MPP7: variants seen among roughly 807,000 people sequenced by gnomAD.
MPP7 encodes the protein MAGUK p55 scaffold protein 7, also known as MAGUK p55 subfamily member 7.
A neutral mutation model predicts 76.5 loss-of-function variants in MPP7; 60 were observed. The ratio of observed to expected loss-of-function variants is 0.78; its 90% CI spans 0.64 to 0.97. MPP7 has a LOEUF of 0.97. Ranked by LOEUF, MPP7 falls within the 50% of genes least tolerant of loss-of-function variation. The probability of loss-of-function intolerance (pLI) is 0.00; values close to 1 mark genes in which losing one functional copy is unlikely to be tolerated. For missense variants in MPP7, 641 were observed against 694.0 expected (o/e 0.92, Z 0.86); for synonymous variants, 237 against 244.5 (o/e 0.97, Z 0.29).
chr10:28,141,977 TA>T (rs1219828444), intron 5 of MPP7, among the ~76,000 whole-genome samples: 4 of 151,110 alleles, frequency 2.6e-5, no homozygotes, highest in South Asian at 2.1e-4. Context: ...TCCACTTGAA[TA>T]AAAAAAAACT....
rs767217504 is a variant in MPP7 at position 28,069,788 on chromosome 10, A to T, written c.1188T>A (p.Tyr396Ter). The change falls in exon 13 of 17, where the codon TAT becomes TAA. Residue 396 changes from tyrosine to a stop codon, truncating the protein, a stop_gained. Transcript: ENST00000683449. LOFTEE classifies it high-confidence loss of function. ...AGAACTCACGGGGCACTGTCACGCC[A>T]TAGTGCTGGGTGTCACTGATCAGCA... ...RKLLISDTQH[Y>*]GVTVPHTTRA... 3 of 1,613,974 alleles carry T rather than the reference A, an allele frequency of 1.9e-6. No homozygotes were observed. The Admixed American group carries it at 5.0e-5, about 27-fold the overall frequency.
chr10:28,092,447 T>C (rs1180930347), intron 11 of MPP7, among the ~76,000 whole-genome samples: 1 of 152,156 alleles, frequency 6.6e-6, no homozygotes, highest in Non-Finnish European at 1.5e-5. Context: ...AGAGGTGGAA[T>C]TATAAAATCA....
At chr10:28,151,586 G>A (rs754647765) in intron 3 of MPP7, among the ~76,000 whole-genome samples, 5 of 152,106 alleles carry the variant, frequency 3.3e-5, no homozygotes, top group Non-Finnish European at 7.4e-5. Flanking sequence ...AACTTACCAG[G>A]TGCCTGTACT....
chr10:28,311,623 A>G (rs10826450), intron 2 of MPP7, among the ~76,000 whole-genome samples: 54,368 of 151,988 alleles, frequency 0.36, 9,988 homozygotes, highest in East Asian at 0.54. Flanking sequence ...TGGCTCATAC[A>G]TGTGATCCCA....
At chr10:28,207,870 C>T (rs993769340) in intron 2 of MPP7, among the ~76,000 whole-genome samples, 1 of 152,050 alleles carries the variant, frequency 6.6e-6, no homozygotes, top group Non-Finnish European at 1.5e-5. Flanking sequence ...TTTAAGTGCA[C>T]TAAATTTCCG....
At chr10:28,236,774 A>G (rs544579448) in intron 2 of MPP7, 4 of 152,272 alleles carry the variant, frequency 2.6e-5, no homozygotes, top group African/African-American at 9.6e-5. Flanking sequence ...GTCTGACTTC[A>G]ACTCTGTTCC....
intron 2 of MPP7, among the ~76,000 whole-genome samples, chr10:28,224,438 A>G (rs992982685): frequency 2.6e-5 from 4 of 152,312 alleles, no homozygotes; most frequent in Non-Finnish European, 5.9e-5. Flanking sequence ...TTCTGGAAGT[A>G]AAACAAAGTG....
At chr10:28,117,126 C>A (rs1365811262) in intron 11 of MPP7, among the ~76,000 whole-genome samples, 2 of 152,030 alleles carry the variant, frequency 1.3e-5, no homozygotes, top group Non-Finnish European at 2.9e-5. Context: ...TATGGTGATA[C>A]ACTACAAATG....
At chr10:28,210,612 C>T (rs1384453597) in intron 2 of MPP7, among the ~76,000 whole-genome samples, 10 of 152,002 alleles carry the variant, frequency 6.6e-5, no homozygotes, top group Non-Finnish European at 1.0e-4. Flanking sequence ...CTAAGAAAGG[C>T]GCTTAAAATT....
intron 11 of MPP7, among the ~76,000 whole-genome samples, chr10:28,107,154 T>C (rs1020649017): frequency 3.3e-5 from 5 of 152,178 alleles, no homozygotes; most frequent in African/African-American, 1.2e-4. Flanking sequence ...CATCTACATA[T>C]CATCGAACTT....
chr10:28,251,278 A>C (rs1839605290), intron 1 of MPP7, among the ~76,000 whole-genome samples: 1 of 152,170 alleles, frequency 6.6e-6, no homozygotes, highest in Non-Finnish European at 1.5e-5. Context: ...CAGCCTGGCC[A>C]ACATGGTGAA....
chr10:28,124,910 G>A, intron 7 of MPP7, 100 bp downstream of exon 7: 3 of 922,468 alleles, frequency 3.3e-6, no homozygotes, highest in East Asian at 4.8e-5. Context: ...TTGTTCTGCT[G>A]TATTAGATCC....
intron 2 of MPP7, among the ~76,000 whole-genome samples, chr10:28,223,214 A>C (rs1418702714): frequency 1.3e-5 from 2 of 152,186 alleles, no homozygotes; most frequent in Non-Finnish European, 2.9e-5. Flanking sequence ...TCTTAAATTT[A>C]AGAGTCACTT....
At chr10:28,107,106 T>A (rs1328656418) in intron 11 of MPP7, among the ~76,000 whole-genome samples, 4 of 152,160 alleles carry the variant, frequency 2.6e-5, no homozygotes, top group Non-Finnish European at 1.5e-5. Context: ...ACTTATGATC[T>A]CACCTTATCC....
chr10:28,238,485 T>G, intron 2 of MPP7, 83 bp downstream of exon 2: 1 of 1,436,348 alleles, frequency 7.0e-7, no homozygotes, highest in Non-Finnish European at 9.8e-7. Context: ...TCTGCCTGCA[T>G]TTGCTTAAAG....
chr10:28,213,455 G>A (rs1838208519), intron 2 of MPP7, among the ~76,000 whole-genome samples: 1 of 152,086 alleles, frequency 6.6e-6, no homozygotes, highest in African/African-American at 2.4e-5. Context: ...AGGAAACAGG[G>A]TTTCATGCTG....
intron 3 of MPP7, among the ~76,000 whole-genome samples, chr10:28,201,062 A>G (rs555433894): frequency 1.5e-4 from 23 of 152,330 alleles, no homozygotes; most frequent in African/African-American, 5.3e-4. Flanking sequence ...CCAGAGGGCA[A>G]CTATTATTTA....
In MPP7 at chr10:28,125,210, G is replaced by C. The variant is rs145489860; in HGVS notation, c.448-119C>G. On this transcript the variant is annotated intron_variant, in intron 6 of 16. Coordinates refer to ENST00000683449, the MANE Select transcript of MPP7 (RefSeq NM_001318170.2). The stretch of plus-strand genomic sequence containing the variant: ...AAACAACTACAAAAACGAAAAAAAA[G>C]AAATGAGGCAGGAAAAATAGACATC... The C allele has an allele frequency of 1.1e-3, 854 of 795,694 alleles. 4 individuals carry two copies. In the African/African-American group the frequency reaches 0.011, roughly 11 times the overall value. 49.3% of individuals were successfully genotyped at this position (795,694 alleles called of 1,614,324 possible).
chr10:28,168,105 C>T (rs1435000337), intron 3 of MPP7, among the ~76,000 whole-genome samples: 1 of 152,002 alleles, frequency 6.6e-6, no homozygotes, highest in East Asian at 1.9e-4. Flanking sequence ...GGCATGGTGG[C>T]GCATGCTTGT....
Sources: gnomAD v4.1 joint callset for allele counts (sites outside exome capture counted in the v4.1 genomes callset) on GRCh38, gnomAD v4.1.1 for gene constraint, MANE v1.5 for transcripts, NCBI Gene and HGNC (gene_info 2026-07-23, HGNC 2026-07-21) for gene names.